Variants in SLC38A1 observed in about 807,000 individuals in gnomAD.
SLC38A1 encodes solute carrier family 38 member 1, also known as sodium-coupled neutral amino acid symporter 1.
SLC38A1 carries 18 observed loss-of-function variants against 60.3 expected under a neutral mutation model. That is an observed-to-expected ratio of 0.30 (90% CI 0.21 to 0.44). SLC38A1 has a LOEUF of 0.44. Ranked by LOEUF, SLC38A1 falls within the 20% of genes least tolerant of loss-of-function variation. The pLI, the probability that SLC38A1 is intolerant of heterozygous loss-of-function variation, is 1.00. For synonymous variants in SLC38A1, 196 were observed against 212.1 expected (o/e 0.92, Z 0.66); for missense variants, 448 against 587.2 (o/e 0.76, Z 2.45).
chr12:46,220,359 C>T (rs538389769), intron 5 of SLC38A1, among the ~76,000 whole-genome samples: 2 of 152,322 alleles, frequency 1.3e-5, no homozygotes, highest in East Asian at 3.9e-4. Flanking sequence ...ACAATTTTCT[C>T]TTCAAATCAT....
chr12:46,242,168 A>G (rs1445306381), intron 2 of SLC38A1, among the ~76,000 whole-genome samples: 1 of 152,224 alleles, frequency 6.6e-6, no homozygotes, highest in Non-Finnish European at 1.5e-5. Context: ...GGTCAATATT[A>G]TGCAAATACT....
At chr12:46,250,639 G>C (rs1941803501) in intron 1 of SLC38A1, among the ~76,000 whole-genome samples, 1 of 152,164 alleles carries the variant, frequency 6.6e-6, no homozygotes, top group East Asian at 1.9e-4. Context: ...CTTCAGCAAA[G>C]TATCAGGATA....
chr12:46,256,613 G>GCGCGCA (rs1555192371), intron 1 of SLC38A1, among the ~76,000 whole-genome samples: 1 of 107,460 alleles, frequency 9.3e-6, no homozygotes, highest in African/African-American at 3.5e-5. Context: ...GCGCGCGCGC[G>GCGCGCA]CACACACACA....
rs758300308 is a variant in SLC38A1, at chr12:46,198,077, CAA to C, written c.1123-19_1123-18del. On this transcript the variant is annotated intron_variant, in intron 14 of 16. Coordinates refer to ENST00000398637, the MANE Select transcript of SLC38A1 (RefSeq NM_030674.4). ...TGAACGAACCTGCAAGAAAAGAAAACAAAGATTCTGTAAGTGCCTACAGCATG... is the reference window on the plus strand; with the variant it reads ...TGAACGAACCTGCAAGAAAAGAAAACAGATTCTGTAAGTGCCTACAGCATG... 1 of 1,612,124 alleles carries C rather than the reference CAA, an allele frequency of 6.2e-7. No individual in the cohort carries two copies. Among genetic ancestry groups the C allele is most frequent in the East Asian group, 2.2e-5 (1 of 44,718 alleles).
intron 1 of SLC38A1, among the ~76,000 whole-genome samples, chr12:46,263,762 G>C (rs1391678053): frequency 6.6e-6 from 1 of 152,116 alleles, no homozygotes; most frequent in East Asian, 1.9e-4. Flanking sequence ...CTGTATCACT[G>C]GACAGGCGTC....
intron 5 of SLC38A1, among the ~76,000 whole-genome samples, chr12:46,221,072 G>C (rs79112054): frequency 6.6e-6 from 1 of 152,074 alleles, no homozygotes; most frequent in Admixed American, 6.6e-5. Context: ...TATATTTTTC[G>C]ACTTATCCTT....
At chr12:46,234,907 C>T (rs1379626172) in intron 3 of SLC38A1, among the ~76,000 whole-genome samples, 2 of 152,084 alleles carry the variant, frequency 1.3e-5, no homozygotes, top group East Asian at 3.8e-4. Flanking sequence ...TCTTTATTGA[C>T]TTTAAATATG....
intron 2 of SLC38A1, among the ~76,000 whole-genome samples, chr12:46,240,196 G>A (rs1197274780): frequency 6.6e-6 from 1 of 152,126 alleles, no homozygotes; most frequent in East Asian, 1.9e-4. Context: ...ATATGAAGCA[G>A]TGTTGTTGTT....
chr12:46,213,712 A>T lies in SLC38A1; in HGVS notation c.315-4585T>A, dbSNP rs113955208. Among the ~76,000 whole-genome samples the T allele has an allele frequency of 9.5e-3, 1,444 of 152,354 alleles. 10 individuals carry two copies. Among genetic ancestry groups the T allele is most frequent in the Non-Finnish European group, 0.014 (961 of 68,030 alleles). ...GAGCCATCGTCCTTAATTTCTGGAT[A>T]ACTGTGATCATCTTGTCTCCTCACA... is the stretch of plus-strand genomic sequence containing the variant. On this transcript the variant is annotated intron_variant, in intron 5 of 16. Coordinates refer to ENST00000398637, the MANE Select transcript of SLC38A1 (RefSeq NM_030674.4).
At chr12:46,226,984 C>T (rs1208892330) in intron 5 of SLC38A1, among the ~76,000 whole-genome samples, 1 of 151,564 alleles carries the variant, frequency 6.6e-6, no homozygotes, top group Non-Finnish European at 1.5e-5. Context: ...GAAAACAGGC[C>T]CACATCAAGG....
chr12:46,263,373 C>G (rs1592162927), intron 1 of SLC38A1, among the ~76,000 whole-genome samples: 1 of 152,106 alleles, frequency 6.6e-6, no homozygotes, highest in African/African-American at 2.4e-5. Flanking sequence ...CAGGAATGAG[C>G]CTGGTCTTTT....
intron 5 of SLC38A1, among the ~76,000 whole-genome samples, chr12:46,210,272 C>T (rs962799189): frequency 7.2e-5 from 11 of 152,148 alleles, no homozygotes; most frequent in Admixed American, 3.3e-4. Flanking sequence ...CTCCTGCATA[C>T]GGGGCAACCA....
chr12:46,200,781 G>A (rs1048761611), intron 13 of SLC38A1, among the ~76,000 whole-genome samples: 15 of 152,002 alleles, frequency 9.9e-5, no homozygotes, highest in Admixed American at 2.0e-4. Flanking sequence ...CCCAATTTGC[G>A]GTGTCAATTA....
chr12:46,233,781 T>A (rs1323629957), intron 3 of SLC38A1, among the ~76,000 whole-genome samples: 1 of 152,208 alleles, frequency 6.6e-6, no homozygotes, highest in East Asian at 1.9e-4. Flanking sequence ...CTTGGTTCTG[T>A]CTCTTTCAGT....
At chr12:46,248,503 C>T (rs1462531546) in intron 1 of SLC38A1, among the ~76,000 whole-genome samples, 2 of 152,064 alleles carry the variant, frequency 1.3e-5, no homozygotes, top group Non-Finnish European at 2.9e-5. Flanking sequence ...TATATGCACC[C>T]AATACAGGAG....
intron 13 of SLC38A1, 99 bp downstream of exon 13, chr12:46,200,999 T>C (rs1565754351): frequency 1.2e-6 from 1 of 851,848 alleles, no homozygotes; most frequent in East Asian, 2.7e-5. Flanking sequence ...GATAGCTTTG[T>C]TGCTTTCTTT....
chr12:46,208,691 T>C (rs997346537), intron 6 of SLC38A1, among the ~76,000 whole-genome samples: 1 of 152,232 alleles, frequency 6.6e-6, no homozygotes, highest in Admixed American at 6.5e-5. Context: ...CAGGTCTGTT[T>C]ACTTTTAAAA....
rs1940824400 is a variant in SLC38A1 at position 46,225,422 on chromosome 12, A to C, written c.314+3731T>G. 2.0e-5 allele frequency among the ~76,000 whole-genome samples: 3 copies of C among 152,144 alleles called. No homozygotes were observed. The South Asian group carries it at 6.2e-4, about 32-fold the overall frequency. On this transcript the variant is annotated intron_variant, in intron 5 of 16. Coordinates refer to ENST00000398637, the MANE Select transcript of SLC38A1 (RefSeq NM_030674.4). ...GTTTCTAGGTGAGAGACTAGGCACA[A>C]TTTGTGGGCAAGAGGCATACTCTAA...
chr12:46,201,246 AAGCACC>A, intron 12 of SLC38A1, 48 bp from the exon 13 acceptor site: 1 of 1,444,402 alleles, frequency 6.9e-7, no homozygotes, highest in South Asian at 1.2e-5. Context: ...GACTGAATTT[AAGCACC>A]AGTGTTAACA....
Sources: gnomAD v4.1 joint callset for allele counts (sites outside exome capture counted in the v4.1 genomes callset) on GRCh38, gnomAD v4.1.1 for gene constraint, MANE v1.5 for transcripts, NCBI Gene and HGNC (gene_info 2026-07-23, HGNC 2026-07-21) for gene names.